The following STPG2 variants were observed in gnomAD, a reference collection of about 807,000 sequenced individuals.
STPG2 encodes sperm-tail PG-rich repeat-containing protein 2.
A neutral mutation model predicts 54.2 loss-of-function variants in STPG2; 56 were observed. The observed-to-expected ratio is 1.03, with a 90% CI of 0.83 to 1.29. The LOEUF is 1.29. STPG2 is among the 50% of genes most tolerant of loss of function. The pLI, the probability that STPG2 is intolerant of heterozygous loss-of-function variation, is 0.00. For synonymous variants in STPG2, 200 were observed against 181.8 expected (o/e 1.10, Z -0.81); for missense variants, 596 against 544.9 (o/e 1.09, Z -0.93).
chr4:97,803,896 C>T (rs1476290151), intron 9 of STPG2, among the ~76,000 whole-genome samples: 4 of 152,248 alleles, frequency 2.6e-5, no homozygotes, highest in South Asian at 4.1e-4. Flanking sequence ...TCCGATGTCA[C>T]GTTATTTCAA....
chr4:97,905,687 C>T (rs1731383534), intron 8 of STPG2, among the ~76,000 whole-genome samples: 1 of 152,108 alleles, frequency 6.6e-6, no homozygotes, highest in Admixed American at 6.5e-5. Flanking sequence ...CAAGATCCAT[C>T]AGTGTGCTGT....
chr4:97,858,384 A>G (rs1729398909), intron 8 of STPG2, among the ~76,000 whole-genome samples: 1 of 152,166 alleles, frequency 6.6e-6, no homozygotes, highest in Non-Finnish European at 1.5e-5. Flanking sequence ...GCCATGAAAG[A>G]GTAGCATGAC....
At chr4:97,462,047 ACTT>A (rs1406978051) in intron 4 of STPG2, among the ~76,000 whole-genome samples, 1 of 151,922 alleles carries the variant, frequency 6.6e-6, no homozygotes, top group Non-Finnish European at 1.5e-5. Flanking sequence ...ATAGTCTCCT[ACTT>A]CTTCTTTTCT....
At chr4:97,497,032 CACAGGAAAAAAGAAGCATTA>C (rs1730626172) in intron 4 of STPG2, among the ~76,000 whole-genome samples, 4 of 145,544 alleles carry the variant, frequency 2.7e-5, no homozygotes, top group African/African-American at 1.0e-4. Context: ...GAGCATTTTA[CACAGGAAAAAAGAAGCATTA>C]TTAAAGCTGA....
chr4:97,794,513 GA>G (rs1168955845), intron 9 of STPG2, among the ~76,000 whole-genome samples: 1 of 152,060 alleles, frequency 6.6e-6, no homozygotes, highest in African/African-American at 2.4e-5. Flanking sequence ...AAAAGAATAA[GA>G]AAATTGCAAA....
At chr4:98,044,256 G>A (rs1405177080) in intron 5 of STPG2, among the ~76,000 whole-genome samples, 1 of 151,970 alleles carries the variant, frequency 6.6e-6, no homozygotes, top group Non-Finnish European at 1.5e-5. Flanking sequence ...TTTGATCTAT[G>A]TATTTACCTT....
chr4:97,637,007 C>T (rs1291544915), intron 10 of STPG2, among the ~76,000 whole-genome samples: 3 of 152,144 alleles, frequency 2.0e-5, no homozygotes, highest in Non-Finnish European at 4.4e-5. Context: ...CCAGCATCAT[C>T]CTGATACCAA....
chr4:97,813,390 T>A (rs138307455), intron 9 of STPG2, among the ~76,000 whole-genome samples: 5 of 151,938 alleles, frequency 3.3e-5, no homozygotes, highest in African/African-American at 4.8e-5. Flanking sequence ...GATACTTTTT[T>A]AAAAAAAGAA....
rs369820910 is a variant in STPG2, at chr4:97,538,799, T to C, written c.462+173900A>G. Among the ~76,000 whole-genome samples, 9 of 151,930 alleles carry C rather than the reference T, an allele frequency of 5.9e-5. No individual in the cohort carries two copies. The South Asian group carries it at 1.5e-3, about 25-fold the overall frequency. ...GTTAAGGGCAGCCAGAGAGAAAGGT[T>C]AGGTTACCCACAAAGGGAAGCACAT... On this transcript the variant is annotated intron_variant, in intron 4 of 4. Coordinates refer to the STPG2 transcript ENST00000522676.
At chr4:97,925,829 C>G (rs1301661742) in intron 8 of STPG2, among the ~76,000 whole-genome samples, 1 of 152,140 alleles carries the variant, frequency 6.6e-6, no homozygotes, top group African/African-American at 2.4e-5. Context: ...ACCAGCTGAC[C>G]TGTGACACCT....
chr4:98,111,240 A>C (rs957365628), intron 3 of STPG2, among the ~76,000 whole-genome samples: 1 of 152,092 alleles, frequency 6.6e-6, no homozygotes, highest in African/African-American at 2.4e-5. Context: ...GTCTCAGCTG[A>C]ACCCTCTTAA....
chr4:97,544,149 T>C (rs997043984), intron 4 of STPG2, among the ~76,000 whole-genome samples: 9 of 152,070 alleles, frequency 5.9e-5, no homozygotes, highest in African/African-American at 1.7e-4. Flanking sequence ...GAAATAAAAC[T>C]GTATGCATAC....
intron 2 of STPG2, among the ~76,000 whole-genome samples, chr4:98,129,990 T>C (rs2110163760): frequency 1.3e-5 from 2 of 151,794 alleles, no homozygotes; most frequent in East Asian, 1.9e-4. Flanking sequence ...CCCAAGTAGC[T>C]GGGATTACAG....
In STPG2 at chr4:97,731,759, C is replaced by T. The variant is rs149203823; in HGVS notation, c.1205-18945G>A. Among the ~76,000 whole-genome samples the T allele has an allele frequency of 4.8e-3, 735 of 152,304 alleles. 7 individuals are homozygous for T. Among genetic ancestry groups the T allele is most frequent in the African/African-American group, 0.017 (706 of 41,572 alleles). On this transcript the variant is annotated intron_variant, in intron 9 of 10. Transcript: ENST00000295268. The stretch of plus-strand genomic sequence containing the variant: ...CATGAAACCTGGGACTCACTCTTCT[C>T]AGTGTTCTGAGGATGGGGGCTCCTT...
At position 98,103,644 on chromosome 4, in the gene STPG2, A is replaced by AAAAATAAAATAAAATAAAATAAAAT. The variant is rs138971893; in HGVS notation, c.612+2284_612+2308dup. ...CAAGAAAAGCAAAACTCCATCTCAA[A>AAAAATAAAATAAAATAAAATAAAAT]AAAATAAAATAAAATAAAATAAAAT... On this transcript the variant is annotated intron_variant, in intron 5 of 10. Coordinates refer to ENST00000295268, the MANE Select transcript of STPG2 (RefSeq NM_174952.3). Among the ~76,000 whole-genome samples the AAAAATAAAATAAAATAAAATAAAAT allele has an allele frequency of 3.8e-3, 566 of 149,080 alleles. 3 individuals are homozygous for AAAAATAAAATAAAATAAAATAAAAT. The highest frequency in any genetic ancestry group is 0.013 in the African/African-American group (516 of 40,284).
chr4:97,742,065 G>A (rs1184076380), intron 9 of STPG2, among the ~76,000 whole-genome samples: 1 of 151,978 alleles, frequency 6.6e-6, no homozygotes, highest in Admixed American at 6.6e-5. Flanking sequence ...TCCTTTGTAG[G>A]GACATGGATG....
At chr4:97,615,012 G>T (rs772332332) in intron 10 of STPG2, among the ~76,000 whole-genome samples, 2 of 152,018 alleles carry the variant, frequency 1.3e-5, no homozygotes, top group Non-Finnish European at 2.9e-5. Context: ...ACATAATCTT[G>T]TTCCTTCTTA....
rs143893861 is a variant in STPG2, at chr4:98,015,721, G to A, written c.613-34403C>T. Among the ~76,000 whole-genome samples the A allele has an allele frequency of 7.6e-3, 1,156 of 152,172 alleles. 10 individuals are homozygous for A. Among genetic ancestry groups the A allele is most frequent in the Non-Finnish European group, 9.3e-3 (631 of 68,028 alleles). The stretch of plus-strand genomic sequence containing the variant: ...TCCATTACTGGGTATATACTCAAAG[G>A]ATTATAAATCATTCTACTATAAAGA... On this transcript the variant is annotated intron_variant, in intron 5 of 10. Coordinates refer to ENST00000295268, the MANE Select transcript of STPG2 (RefSeq NM_174952.3).
At chr4:97,936,407 C>T (rs191021304) in intron 8 of STPG2, among the ~76,000 whole-genome samples, 1 of 152,170 alleles carries the variant, frequency 6.6e-6, no homozygotes, top group Non-Finnish European at 1.5e-5. Context: ...TTATTAAATT[C>T]GATCCTGTCA....
Sources: gnomAD v4.1 joint callset for allele counts (sites outside exome capture counted in the v4.1 genomes callset) on GRCh38, gnomAD v4.1.1 for gene constraint, MANE v1.5 for transcripts, NCBI Gene and HGNC (gene_info 2026-07-23, HGNC 2026-07-21) for gene names.